Variants in GPAT2 observed in about 807,000 individuals in gnomAD.
GPAT2 encodes glycerol-3-phosphate acyltransferase 2, mitochondrial.
A neutral mutation model predicts 71.0 loss-of-function variants in GPAT2; 51 were observed. That is an observed-to-expected ratio of 0.72 (90% CI 0.57 to 0.91). The LOEUF is 0.91. GPAT2 is among the 40% of genes least tolerant of loss of function. The pLI, the probability that GPAT2 is intolerant of heterozygous loss-of-function variation, is 0.00. For synonymous variants in GPAT2, 222 were observed against 290.3 expected (o/e 0.76, Z 2.39); for missense variants, 511 against 666.0 (o/e 0.77, Z 2.56).
At position 96,025,474 on chromosome 2, in the gene GPAT2, T is replaced by A; in HGVS notation, c.1357+11A>T. ...CCCACCCGCAAAGGCCCAGATCTGG[T>A]TCACCCTCACCACTCAGGACATGAC... On this transcript the variant is annotated intron_variant, in intron 13 of 21. Coordinates refer to ENST00000434632, the MANE Select transcript of GPAT2 (RefSeq NM_001321527.2). 2 of 1,571,724 alleles carry A rather than the reference T, an allele frequency of 1.3e-6. No homozygotes were observed. The highest frequency in any genetic ancestry group is 1.7e-6 in the Non-Finnish European group (2 of 1,158,670).
chr2:96,024,734 C>A (rs780303531), intron 14 of GPAT2, 39 bp downstream of exon 14: 1 of 1,613,422 alleles, frequency 6.2e-7, no homozygotes, highest in Middle Eastern at 1.7e-4. Context: ...ATCGCCACCC[C>A]CCCCACCGCC....
At chr2:96,025,398 G>GAATGGAGAA in intron 13 of GPAT2, 87 bp downstream of exon 13, 1 of 1,487,156 alleles carries the variant, frequency 6.7e-7, no homozygotes, top group Non-Finnish European at 9.0e-7. Flanking sequence ...CAGACACTTG[G>GAATGGAGAA]AATGGAGAAC....
At position 96,022,676 on chromosome 2, in the gene GPAT2, C is replaced by G; in HGVS notation, c.2281G>C (p.Asp761His). The G allele has an allele frequency of 6.2e-7, 1 of 1,613,930 alleles. No individual in the cohort carries two copies. Among genetic ancestry groups the G allele is most frequent in the Non-Finnish European group, 8.5e-7 (1 of 1,179,836 alleles). ...ACAGTGGCTCCTCTCACCCCTAGGT[C>G]TCTGAAGGTCCAGACAGCACTGATG... ...LAISAVWTFRDLGVLQQTPSP... is the reference protein window; with the variant it reads ...LAISAVWTFRHLGVLQQTPSP... Residue 761 changes from aspartate (D) to histidine (H), a missense_variant, in exon 21 of 22, where the codon GAC becomes CAC. Transcript: ENST00000434632.
Position 96,025,509 on chromosome 2 carries a change from T to G in GPAT2, c.1333A>C (p.Arg445=). 1.9e-6 allele frequency: 3 copies of G among 1,567,820 alleles called. No individual in the cohort carries two copies. The highest frequency in any genetic ancestry group is 2.6e-6 in the Non-Finnish European group (3 of 1,157,862). Residue 445 remains arginine, a synonymous_variant, in exon 13 of 22, where the codon AGA becomes CGA. Transcript: ENST00000434632. ...LKEEDQLLVR[R]LSCHVLSASV... is the part of the protein sequence containing the mutation. ...CCACTCAGGACATGACAGCTCAGTCTCCTGACCAGGAGCTGGTCCTCTTCC... is the reference window on the plus strand; with the variant it reads ...CCACTCAGGACATGACAGCTCAGTCGCCTGACCAGGAGCTGGTCCTCTTCC...
At chr2:96,026,120 G>T (rs1439056725) in intron 11 of GPAT2, 63 bp downstream of exon 11, 1 of 1,576,580 alleles carries the variant, frequency 6.3e-7, no homozygotes, top group Non-Finnish European at 8.7e-7. Context: ...TGAGGGCCAG[G>T]CTGCCAGGAT....
At position 96,022,255 on chromosome 2, in the gene GPAT2, G is replaced by A. The variant is rs1432133583; in HGVS notation, c.2310C>T (p.Ser770=). 1.2e-6 allele frequency: 2 copies of A among 1,602,080 alleles called. No individual in the cohort carries two copies. Among genetic ancestry groups the A allele is most frequent in the South Asian group, 2.2e-5 (2 of 89,642 alleles). The change falls in exon 22 of 22, where the codon AGC becomes AGT. Residue 770 remains serine (S), a synonymous_variant. Transcript: ENST00000434632. ...RDLGVLQQTP[S]PAGPRLHLSP... is the part of the protein sequence containing the mutation. ...ACAGGTGGAGCCTGGGGCCTGCAGGGCTCGGCGTCTGCTGCAGAACCTGGG... is the reference window on the plus strand; with the variant it reads ...ACAGGTGGAGCCTGGGGCCTGCAGGACTCGGCGTCTGCTGCAGAACCTGGG...
intron 21 of GPAT2, among the ~76,000 whole-genome samples, 192 bp from the exon 22 acceptor site, chr2:96,022,467 A>C (rs1679784773): frequency 6.6e-6 from 1 of 152,140 alleles, no homozygotes; most frequent in Admixed American, 6.5e-5. Context: ...GATTTGGGAG[A>C]CCAAGAGGCA....
Position 96,022,672 on chromosome 2 carries a change from A to T in GPAT2, c.2285T>A (p.Leu762Gln), listed in dbSNP as rs1318039390. 1.2e-6 allele frequency: 2 copies of T among 1,613,802 alleles called. No homozygotes were observed. Among genetic ancestry groups the T allele is most frequent in the Non-Finnish European group, 1.7e-6 (2 of 1,179,826 alleles). Reference protein sequence around the residue: ...AISAVWTFRDLGVLQQTPSPA... With the variant: ...AISAVWTFRDQGVLQQTPSPA... ...GGTGACAGTGGCTCCTCTCACCCCTAGGTCTCTGAAGGTCCAGACAGCACT... is the reference window on the plus strand; with the variant it reads ...GGTGACAGTGGCTCCTCTCACCCCTTGGTCTCTGAAGGTCCAGACAGCACT... The change falls in exon 21 of 22, where the codon CTA becomes CAA. Residue 762 changes from leucine to glutamine, a missense_variant. Physicochemically the swap from Leu to Gln is moderately radical, Grantham distance 113. Coordinates refer to ENST00000434632, the MANE Select transcript of GPAT2 (RefSeq NM_001321527.2).
In GPAT2 at chr2:96,021,993, C is replaced by G; in HGVS notation, c.*166G>C. ...CAACTCGTCTCGTCCCCTTGTTTATCACATCAAAGAAGGGAAAAAGCAAGA... is the reference window on the plus strand; with the variant it reads ...CAACTCGTCTCGTCCCCTTGTTTATGACATCAAAGAAGGGAAAAAGCAAGA... On this transcript the variant is annotated 3_prime_UTR_variant, in exon 22 of 22. Transcript: ENST00000434632. 5 of 1,434,528 alleles carry G rather than the reference C, an allele frequency of 3.5e-6. No homozygotes were observed. In the South Asian group the frequency reaches 7.4e-5, roughly 21 times the overall value. 88.9% of individuals were successfully genotyped at this position (1,434,528 alleles called of 1,614,324 possible).
chr2:96,024,367 G>T (rs1213616756), intron 15 of GPAT2, 30 bp from the exon 16 acceptor site: 1 of 1,603,894 alleles, frequency 6.2e-7, no homozygotes, highest in Non-Finnish European at 8.5e-7. Context: ...TATGAAGAAG[G>T]AGCCGTTCCC....
chr2:96,023,727 G>A (rs1396019584), intron 17 of GPAT2, 196 bp downstream of exon 17: 32 of 1,085,546 alleles, frequency 2.9e-5, no homozygotes, highest in Non-Finnish European at 3.5e-5. Flanking sequence ...ACACAGAACC[G>A]GGGCATAGGT....
chr2:96,024,564 A>G lies in GPAT2; in HGVS notation c.1550T>C (p.Leu517Pro), dbSNP rs1213470392. The G allele has an allele frequency of 1.9e-6, 3 of 1,613,704 alleles. No homozygotes were observed. The highest frequency in any genetic ancestry group is 2.5e-6 in the Non-Finnish European group (3 of 1,179,902). The change falls in exon 15 of 22, where the codon CTG (leucine) becomes CCG (proline). Residue 517 changes from leucine to proline, a missense_variant. By Grantham distance (98) the Leu-to-Pro change is moderately conservative. Around this residue, in one of 7 missense-constraint regions of GPAT2, gnomAD observed 295 missense variants for 305.5 expected, o/e 0.97. Coordinates refer to ENST00000434632, the MANE Select transcript of GPAT2 (RefSeq NM_001321527.2). ...LRSLLQHSLS[L>P]LRAHVALLRI... ...CAGCAGGGCCACGTGCGCCCGCAGCAGGCTCAGTGAGTGCTGCAGCAGGCT... is the reference window on the plus strand; with the variant it reads ...CAGCAGGGCCACGTGCGCCCGCAGCGGGCTCAGTGAGTGCTGCAGCAGGCT...
chr2:96,023,877 A>C, intron 17 of GPAT2, 46 bp downstream of exon 17: 2 of 1,547,674 alleles, frequency 1.3e-6, no homozygotes, highest in Non-Finnish European at 1.7e-6. Context: ...AGGCTGGAGG[A>C]GGCCAGGCTC....
chr2:96,024,798 G>A lies in GPAT2; in HGVS notation c.1403C>T (p.Thr468Met), dbSNP rs1199406895. Residue 468 changes from threonine (T) to methionine (M), a missense_variant, in exon 14 of 22, where the codon ACG becomes ATG. By Grantham distance (81) the Thr-to-Met change is moderately conservative. Transcript: ENST00000434632. ...SAVMSTAIMATLLLFKHQKGV... is the reference protein window; with the variant it reads ...SAVMSTAIMAMLLLFKHQKGV... Reference sequence around the variant, plus strand: ...CTTCTGATGCTTGAAGAGCAGCAGCGTTGCCATAATGGCCGTGCTCATCAC... The same window carrying A: ...CTTCTGATGCTTGAAGAGCAGCAGCATTGCCATAATGGCCGTGCTCATCAC... The A allele has an allele frequency of 1.1e-5, 17 of 1,613,740 alleles. No individual in the cohort carries two copies. Among genetic ancestry groups the A allele is most frequent in the South Asian group, 4.4e-5 (4 of 91,076 alleles).
rs373813456 is a variant in GPAT2 at position 96,024,878 on chromosome 2, G to A, written c.1358-35C>T. 954 of 1,608,558 alleles carry A rather than the reference G, an allele frequency of 5.9e-4. 4 individuals carry two copies. The highest frequency in any genetic ancestry group is 1.5e-3 in the Middle Eastern group (7 of 4,752). The stretch of plus-strand genomic sequence containing the variant: ...GGCGGGGGGTGGAGATGCTGGTCAG[G>A]TTGAGGCCCAGCAGCCTGGTCCCTC... On this transcript the variant is annotated intron_variant, in intron 13 of 21. Transcript: ENST00000434632.
In GPAT2 at chr2:96,023,369, A is replaced by T; in HGVS notation, c.1986T>A (p.Ser662Arg). The T allele has an allele frequency of 1.9e-6, 3 of 1,614,032 alleles. No individual in the cohort carries two copies. The highest frequency in any genetic ancestry group is 2.5e-6 in the Non-Finnish European group (3 of 1,179,990). Residue 662 changes from serine (S) to arginine (R), a missense_variant, in exon 18 of 22, where the codon AGT becomes AGA. This residue lies in a region of GPAT2 where 295 missense variants were observed against 305.5 expected (regional missense o/e 0.97). Coordinates refer to ENST00000434632, the MANE Select transcript of GPAT2 (RefSeq NM_001321527.2). ...CACTGTCACTATCAGTAAAGTCCCC[A>T]CTCGGTTTCCACAGCAGCTTTCTGC... is the stretch of plus-strand genomic sequence containing the variant. ...RLSRKLLWKP[S>R]GDFTDSDSDD... is the part of the protein sequence containing the mutation.
At chr2:96,025,198 G>A in intron 13 of GPAT2, 1 of 561,186 alleles carries the variant, frequency 1.8e-6, no homozygotes, top group Non-Finnish European at 3.2e-6. Context: ...AAGCTAAGGA[G>A]ACTCCGCTCA....
intron 11 of GPAT2, 65 bp from the exon 12 acceptor site, chr2:96,026,077 T>A: frequency 6.3e-7 from 1 of 1,596,798 alleles, no homozygotes; most frequent in East Asian, 2.2e-5. Flanking sequence ...CACAGCCCAC[T>A]GGAAGTAGGC....
intron 18 of GPAT2, 28 bp from the exon 19 acceptor site, chr2:96,023,254 A>T (rs755665730): frequency 6.2e-7 from 1 of 1,613,156 alleles, no homozygotes; most frequent in Admixed American, 1.7e-5. Flanking sequence ...GGGTGAGTGC[A>T]GCTCCCCACC....
Sources: gnomAD v4.1 joint callset for allele counts (sites outside exome capture counted in the v4.1 genomes callset) on GRCh38, gnomAD v4.1.1 for gene constraint, gnomAD v4.1.1 regional missense constraint, MANE v1.5 for transcripts, NCBI Gene and HGNC (gene_info 2026-07-23, HGNC 2026-07-21) for gene names.